SGCD: variants seen among roughly 807,000 people sequenced by gnomAD.
SGCD encodes the protein sarcoglycan delta.
Under a neutral mutation model 36.6 loss-of-function variants are expected in SGCD, and 18 were observed. The observed-to-expected ratio is 0.49, with a 90% confidence interval of 0.34 to 0.73. The LOEUF (loss-of-function observed/expected upper bound fraction) is 0.73. Among genes scored for constraint, SGCD ranks in the 30% least tolerant of loss-of-function variants. SGCD has a pLI of 0.01. For missense variants in SGCD, 387 were observed against 346.7 expected (o/e 1.12, Z -0.92); for synonymous variants, 133 against 130.6 (o/e 1.02, Z -0.12).
intron 3 of SGCD, among the ~76,000 whole-genome samples, chr5:156,271,979 G>A (rs1281516501): frequency 3.9e-5 from 6 of 152,114 alleles, no homozygotes; most frequent in Non-Finnish European, 7.4e-5. Context: ...CTTAGCAGAC[G>A]AAAATGTCAC....
chr5:156,198,802 G>A (rs1764079653), intron 3 of SGCD, among the ~76,000 whole-genome samples: 1 of 152,084 alleles, frequency 6.6e-6, no homozygotes, highest in Admixed American at 6.6e-5. Flanking sequence ...GACACATTTA[G>A]TATAATAGAT....
At chr5:156,195,088 A>G (rs890978278) in intron 3 of SGCD, among the ~76,000 whole-genome samples, 1 of 152,142 alleles carries the variant, frequency 6.6e-6, no homozygotes, top group Admixed American at 6.6e-5. Context: ...GGATGTATTT[A>G]TTTCTCTAAC....
At chr5:156,393,761 T>C (rs1242186822) in intron 3 of SGCD, 1 of 456,214 alleles carries the variant, frequency 2.2e-6, no homozygotes, top group African/African-American at 2.0e-5. Flanking sequence ...AGAGCATCCA[T>C]CTGCTTCTGA....
intron 3 of SGCD, among the ~76,000 whole-genome samples, chr5:156,212,459 A>G (rs1323663958): frequency 1.3e-5 from 2 of 152,196 alleles, no homozygotes; most frequent in Non-Finnish European, 2.9e-5. Flanking sequence ...ATAATTGTAA[A>G]TATATGTGCA....
intron 1 of SGCD, among the ~76,000 whole-genome samples, chr5:155,901,139 TG>T (rs1756380014): frequency 6.6e-6 from 1 of 151,776 alleles, no homozygotes; most frequent in Non-Finnish European, 1.5e-5. Flanking sequence ...GGTGAAACCC[TG>T]TCACTACTAA....
intron 4 of SGCD, among the ~76,000 whole-genome samples, chr5:156,533,970 T>G (rs1191341700): frequency 6.7e-6 from 1 of 149,866 alleles, no homozygotes; most frequent in African/African-American, 2.4e-5. Context: ...TTTCCTCTTT[T>G]AGGTTGAAGA....
At chr5:156,025,746 T>C (rs367809668) in intron 1 of SGCD, among the ~76,000 whole-genome samples, 3 of 150,604 alleles carry the variant, frequency 2.0e-5, no homozygotes, top group South Asian at 2.1e-4. Flanking sequence ...GTGTGCTGTT[T>C]GCCACTCTGA....
chr5:156,143,093 C>T (rs776899945), intron 3 of SGCD, among the ~76,000 whole-genome samples: 10 of 152,332 alleles, frequency 6.6e-5, no homozygotes, highest in Middle Eastern at 6.8e-3. Context: ...TTTCCCTGAG[C>T]GACCTCAGGA....
chr5:156,707,623 A>G (rs933661435), intron 7 of SGCD, among the ~76,000 whole-genome samples: 1 of 152,188 alleles, frequency 6.6e-6, no homozygotes, highest in Non-Finnish European at 1.5e-5. Context: ...ACAATGAATT[A>G]TTCCTTTCCT....
chr5:156,700,390 T>C (rs1376378077), intron 7 of SGCD, among the ~76,000 whole-genome samples: 1 of 152,196 alleles, frequency 6.6e-6, no homozygotes, highest in Non-Finnish European at 1.5e-5. Flanking sequence ...GGGGAAAATA[T>C]AGGTGTGGTC....
intron 3 of SGCD, among the ~76,000 whole-genome samples, chr5:156,150,400 G>A (rs1012401513): frequency 2.6e-5 from 4 of 151,716 alleles, no homozygotes; most frequent in Middle Eastern, 3.4e-3. Context: ...TTTGGTCGAT[G>A]TGCCCTAATT....
chr5:156,101,878 G>A (rs1015138884), intron 1 of SGCD, among the ~76,000 whole-genome samples: 1 of 149,002 alleles, frequency 6.7e-6, no homozygotes, highest in Non-Finnish European at 1.5e-5. Context: ...ACGTATAGGA[G>A]AATCTATTCA....
intron 7 of SGCD, chr5:156,704,146 T>C (rs750967754): frequency 6.6e-6 from 1 of 152,200 alleles, no homozygotes; most frequent in Non-Finnish European, 1.5e-5. Context: ...AATGATGTCA[T>C]TGAAATTCCA....
At chr5:156,340,348 G>A (rs1209772175) in intron 2 of SGCD, among the ~76,000 whole-genome samples, 1 of 152,172 alleles carries the variant, frequency 6.6e-6, no homozygotes, top group African/African-American at 2.4e-5. Context: ...TGTAGGTCGT[G>A]TTTATATCGC....
chr5:156,332,687 A>G (rs867273717), intron 2 of SGCD, among the ~76,000 whole-genome samples: 1 of 152,222 alleles, frequency 6.6e-6, no homozygotes, highest in Non-Finnish European at 1.5e-5. Context: ...GCAGGAGGAC[A>G]GTATGGTGGC....
intron 6 of SGCD, among the ~76,000 whole-genome samples, chr5:156,615,448 CTT>C (rs953588774): frequency 1.3e-5 from 2 of 152,034 alleles, no homozygotes; most frequent in South Asian, 2.1e-4. Context: ...TAGCATAAGA[CTT>C]ATAGAAATTC....
At chr5:156,363,563 T>C (rs971971343) in intron 3 of SGCD, among the ~76,000 whole-genome samples, 1 of 152,310 alleles carries the variant, frequency 6.6e-6, no homozygotes, top group African/African-American at 2.4e-5. Flanking sequence ...GCTATTATTT[T>C]TTTAAATATC....
chr5:156,133,914 AACACACACACACACACACACACACACAC>A (rs70981997), intron 3 of SGCD, among the ~76,000 whole-genome samples: 1 of 140,328 alleles, frequency 7.1e-6, no homozygotes, highest in South Asian at 2.3e-4. Flanking sequence ...GCCGGGTTAA[AACACACACACACACACACACACACACAC>A]ACACACACAC....
chr5:156,528,818 T>C (rs1159221063), intron 4 of SGCD, among the ~76,000 whole-genome samples: 3 of 152,226 alleles, frequency 2.0e-5, no homozygotes, highest in African/African-American at 4.8e-5. Context: ...GACATTTTAA[T>C]AGAACAAAAT....
Sources: gnomAD v4.1 joint callset for allele counts (sites outside exome capture counted in the v4.1 genomes callset) on GRCh38, gnomAD v4.1.1 for gene constraint, MANE v1.5 for transcripts, NCBI Gene and HGNC (gene_info 2026-07-23, HGNC 2026-07-21) for gene names.